Variants in ZSCAN5A observed in about 807,000 individuals in gnomAD.
The protein encoded by ZSCAN5A is zinc finger and SCAN domain-containing protein 5A.
A neutral mutation model predicts 23.7 loss-of-function variants in ZSCAN5A; 12 were observed. The ratio of observed to expected loss-of-function variants is 0.51; its 90% confidence interval spans 0.32 to 0.82. The LOEUF (loss-of-function observed/expected upper bound fraction) is 0.82, where lower values mean the gene tolerates loss of function less well. Ranked by LOEUF, ZSCAN5A falls within the 40% of genes least tolerant of loss-of-function variation. The probability of loss-of-function intolerance (pLI) is 0.03; values close to 1 mark genes in which losing one functional copy is unlikely to be tolerated. For missense variants in ZSCAN5A, 597 were observed against 617.9 expected (o/e 0.97, Z 0.36); for synonymous variants, 257 against 239.9 (o/e 1.07, Z -0.66).
chr19:56,335,616 A>T (rs35209389), intron 2 of ZSCAN5A, among the ~76,000 whole-genome samples: 8,384 of 152,008 alleles, frequency 0.055, 429 homozygotes, highest in East Asian at 0.26. Flanking sequence ...TGTGAATTTG[A>T]TCCTGTCATT....
intron 2 of ZSCAN5A, among the ~76,000 whole-genome samples, chr19:56,297,279 C>G (rs141434393): frequency 0.018 from 2,676 of 152,178 alleles, 34 homozygotes; most frequent in Middle Eastern, 0.041. Context: ...TTCGAGGCAC[C>G]TGGAAGCACT....
At chr19:56,346,526 GA>G (rs569758808) in intron 2 of ZSCAN5A, among the ~76,000 whole-genome samples, 67 of 115,354 alleles carry the variant, frequency 5.8e-4, no homozygotes, top group East Asian at 7.3e-4. Flanking sequence ...TAAAACTCTA[GA>G]AAAAAAAAAA....
Position 56,248,813 on chromosome 19 carries a change from C to T in ZSCAN5A, c.-127-23640G>A, listed in dbSNP as rs1409213960. Among the ~76,000 whole-genome samples, 7 of 152,240 alleles carry T rather than the reference C, an allele frequency of 4.6e-5. No homozygotes were observed. The South Asian group carries it at 8.3e-4, about 18-fold the overall frequency. ...AGTTCCCCTAGACTCCCTCCCCACA[C>T]GGCACAGCCTCTCCCCGCCCAGCAT... On this transcript the variant is annotated intron_variant, in intron 2 of 5. Transcript: ENST00000683990.
intron 2 of ZSCAN5A, among the ~76,000 whole-genome samples, chr19:56,240,366 G>A (rs1414864132): frequency 1.3e-5 from 2 of 152,038 alleles, no homozygotes; most frequent in Non-Finnish European, 2.9e-5. Context: ...TAATCAACTC[G>A]GATCACCTAA....
intron 2 of ZSCAN5A, among the ~76,000 whole-genome samples, chr19:56,257,996 A>ACT (rs36031183): frequency 2.0e-5 from 2 of 98,528 alleles, no homozygotes; most frequent in African/African-American, 1.1e-4. Context: ...GCGCCGGGAG[A>ACT]CTGCAAGCCT....
intron 2 of ZSCAN5A, among the ~76,000 whole-genome samples, chr19:56,230,246 C>A (rs192095822): frequency 3.1e-4 from 47 of 152,262 alleles, no homozygotes; most frequent in African/African-American, 9.9e-4. Flanking sequence ...CCACCATGCC[C>A]GGTGAATTTT....
At chr19:56,246,953 A>G in intron 2 of ZSCAN5A, 1 of 1,522,048 alleles carries the variant, frequency 6.6e-7, no homozygotes, top group Non-Finnish European at 9.1e-7. Context: ...CCTGTGGGCA[A>G]CAGCGAATCC....
chr19:56,354,079 G>C (rs904898442), intron 2 of ZSCAN5A, among the ~76,000 whole-genome samples: 1 of 152,184 alleles, frequency 6.6e-6, no homozygotes, highest in African/African-American at 2.4e-5. Flanking sequence ...GAGGTACCTG[G>C]TATAGAAATA....
At chr19:56,320,408 T>G (rs2041362525) in intron 2 of ZSCAN5A, 2 of 329,100 alleles carry the variant, frequency 6.1e-6, no homozygotes, top group Non-Finnish European at 1.2e-5. Context: ...CTGACCAACA[T>G]GGAGAAACCT....
chr19:56,304,898 T>C (rs1600244467), intron 2 of ZSCAN5A: 1 of 597,958 alleles, frequency 1.7e-6, no homozygotes, highest in South Asian at 7.4e-5. Flanking sequence ...TCATCCCAAC[T>C]GCCTGGCATT....
chr19:56,325,392 C>G (rs775059819), intron 2 of ZSCAN5A, among the ~76,000 whole-genome samples: 1 of 152,118 alleles, frequency 6.6e-6, no homozygotes, highest in Non-Finnish European at 1.5e-5. Flanking sequence ...GGTGGGGACA[C>G]AGCCAAACCA....
At chr19:56,323,792 TC>T (rs1344243083) in intron 2 of ZSCAN5A, among the ~76,000 whole-genome samples, 1 of 152,026 alleles carries the variant, frequency 6.6e-6, no homozygotes, top group East Asian at 1.9e-4. Flanking sequence ...CGCCTCAGCC[TC>T]CCAAAGTGCT....
chr19:56,364,149 G>A (rs2041750566), intron 1 of ZSCAN5A, among the ~76,000 whole-genome samples: 1 of 152,206 alleles, frequency 6.6e-6, no homozygotes. Context: ...CAGCTGGAGA[G>A]CTTCTGGGCA....
At position 56,304,747 on chromosome 19, in the gene ZSCAN5A, C is replaced by T. The variant is rs548224712; in HGVS notation, c.-128+8536G>A. On this transcript the variant is annotated intron_variant, in intron 2 of 5. Transcript: ENST00000683990. The stretch of plus-strand genomic sequence containing the variant: ...TAAGGAAGGAATTCACTCGCCTCAC[C>T]CCAACTGTTTCTTTCTCTGTTCCCA... 5 of 983,508 alleles carry T rather than the reference C, an allele frequency of 5.1e-6. No individual in the cohort carries two copies. The East Asian group carries it at 5.7e-4, about 112-fold the overall frequency. 60.9% of individuals were successfully genotyped at this position (983,508 alleles called of 1,614,324 possible).
At chr19:56,240,586 G>T (rs1409187274) in intron 2 of ZSCAN5A, among the ~76,000 whole-genome samples, 1 of 152,192 alleles carries the variant, frequency 6.6e-6, no homozygotes, top group Non-Finnish European at 1.5e-5. Context: ...TGGCATGCAG[G>T]GGGGTTAGTT....
intron 2 of ZSCAN5A, among the ~76,000 whole-genome samples, chr19:56,279,682 A>G (rs2147046381): frequency 6.6e-6 from 1 of 152,130 alleles, no homozygotes; most frequent in East Asian, 1.9e-4. Context: ...GGTGAGCTAA[A>G]ATGCCTGCAG....
At chr19:56,297,622 A>C in intron 2 of ZSCAN5A, 1 of 752,058 alleles carries the variant, frequency 1.3e-6, no homozygotes, top group Non-Finnish European at 1.6e-6. Context: ...AGAAGATTTC[A>C]GGTAATCAAG....
intron 2 of ZSCAN5A, chr19:56,320,076 ACCTGTCACT>A (rs2041359189): frequency 3.9e-6 from 3 of 776,200 alleles, no homozygotes; most frequent in Non-Finnish European, 7.2e-6. Context: ...CTCTTCTTAT[ACCTGTCACT>A]GTCTGAAGGC....
intron 2 of ZSCAN5A, among the ~76,000 whole-genome samples, chr19:56,290,601 A>T (rs866682502): frequency 6.6e-6 from 1 of 152,124 alleles, no homozygotes; most frequent in African/African-American, 2.4e-5. Flanking sequence ...GCTCATGCCT[A>T]TAATCCCAGC....
Sources: gnomAD v4.1 joint callset for allele counts (sites outside exome capture counted in the v4.1 genomes callset) on GRCh38, gnomAD v4.1.1 for gene constraint, MANE v1.5 for transcripts, NCBI Gene and HGNC (gene_info 2026-07-23, HGNC 2026-07-21) for gene names.